Variants in DNAH6 observed in about 807,000 individuals in gnomAD.
The protein encoded by DNAH6 is dynein axonemal heavy chain 6.
DNAH6 carries 340 observed loss-of-function variants against 491.4 expected under a neutral mutation model. The observed-to-expected ratio is 0.69, with a 90% CI of 0.63 to 0.76. DNAH6 has a LOEUF of 0.76. DNAH6 is among the 30% of genes least tolerant of loss of function. The pLI is 0.00. For missense variants in DNAH6, 4,443 were observed against 4,972.2 expected (o/e 0.89, Z 3.20); for synonymous variants, 1,603 against 1,686.1 (o/e 0.95, Z 1.21).
chr2:84,653,770 C>T lies in DNAH6; in HGVS notation c.5530C>T (p.Leu1844Phe). The T allele has an allele frequency of 6.4e-7, 1 of 1,551,356 alleles. No homozygotes were observed. Among genetic ancestry groups the T allele is most frequent in the Non-Finnish European group, 8.7e-7 (1 of 1,146,690 alleles). Reference sequence around the variant, plus strand: ...CATCAGTGATGGGCCAGTAGATGCTCTTTGGATTGAAAACATGAATACAGT... The same window carrying T: ...CATCAGTGATGGGCCAGTAGATGCTTTTTGGATTGAAAACATGAATACAGT... ...WIISDGPVDA[L>F]WIENMNTVLD... The change falls in exon 34 of 77, where the codon CTT (leucine) becomes TTT (phenylalanine). Residue 1844 changes from leucine to phenylalanine, a missense_variant. Physicochemically the swap from Leu to Phe is conservative, Grantham distance 22. Transcript: ENST00000389394.
At chr2:84,510,480 T>G in the DNAH6 span, among the ~76,000 whole-genome samples, 1 of 152,288 alleles carries the variant, frequency 6.6e-6, no homozygotes, top group East Asian at 1.9e-4. Context: ...TTCGTGTAAT[T>G]TTTTTTCAAT....
In DNAH6 at chr2:84,745,078, A is replaced by G; in HGVS notation, c.10343-2A>G. On this transcript the variant is annotated splice_acceptor_variant, in intron 62 of 76. Transcript: ENST00000389394. LOFTEE classifies it high-confidence loss of function. Reference sequence around the variant, plus strand: ...ATTATCTTTTTTAAATTGTATTTCCAGGATCTTTTGAGACTTATATTAACC... The same window carrying G: ...ATTATCTTTTTTAAATTGTATTTCCGGGATCTTTTGAGACTTATATTAACC... 6.8e-7 allele frequency: 1 copy of G among 1,477,656 alleles called. No homozygotes were observed. Among genetic ancestry groups the G allele is most frequent in the Non-Finnish European group, 9.0e-7 (1 of 1,105,928 alleles). The allele number at this position is 1,477,656 out of a possible 1,614,324, so 91.5% of individuals were successfully genotyped here.
intron 3 of DNAH6, 54 bp downstream of exon 3, chr2:84,525,792 G>A: frequency 8.0e-7 from 1 of 1,248,498 alleles, no homozygotes; most frequent in Non-Finnish European, 1.1e-6. Flanking sequence ...GTTTTGTATA[G>A]CATTGCTAGC....
intron 70 of DNAH6, among the ~76,000 whole-genome samples, chr2:84,798,849 C>T (rs1678596836): frequency 6.6e-6 from 1 of 152,222 alleles, no homozygotes; most frequent in Admixed American, 6.5e-5. Flanking sequence ...CTGGTCCCAA[C>T]TCCCCAGGAC....
At chr2:84,635,925 A>G (rs1231524132) in intron 30 of DNAH6, among the ~76,000 whole-genome samples, 1 of 152,050 alleles carries the variant, frequency 6.6e-6, no homozygotes, top group Non-Finnish European at 1.5e-5. Flanking sequence ...TAGCATCTTC[A>G]TCTAGTGCCC....
chr2:84,577,211 A>G, intron 12 of DNAH6, 46 bp from the exon 13 acceptor site: 5 of 1,218,566 alleles, frequency 4.1e-6, no homozygotes, highest in Non-Finnish European at 5.6e-6. Context: ...ATCTTTTAAA[A>G]TCCAATATGG....
At chr2:84,662,619 T>C (rs1573398635) in intron 37 of DNAH6, among the ~76,000 whole-genome samples, 1 of 152,304 alleles carries the variant, frequency 6.6e-6, no homozygotes, top group South Asian at 2.1e-4. Context: ...TCAAACTGGG[T>C]GGAGCCCACC....
chr2:84,703,408 T>C lies in DNAH6; in HGVS notation c.8075T>C (p.Val2692Ala). ...RKQIISARDR[V>A]KNGLTKLLET... ...ATTGTCACTTAGGCACGAGATCGGG[T>C]GAAGAATGGTCTCACCAAGCTACTA... Residue 2692 changes from valine (V) to alanine (A), a missense_variant, in exon 50 of 77, where the codon GTG becomes GCG. Coordinates refer to ENST00000389394, the MANE Select transcript of DNAH6 (RefSeq NM_001370.2). The C allele has an allele frequency of 2.6e-6, 4 of 1,518,466 alleles. No homozygotes were observed. The highest frequency in any genetic ancestry group is 3.5e-6 in the Non-Finnish European group (4 of 1,129,620). The allele number at this position is 1,518,466 out of a possible 1,614,324, so 94.1% of individuals were successfully genotyped here. A position where few individuals can be genotyped will look rare whatever the true frequency, so the allele number is the denominator to read the frequency against.
intron 52 of DNAH6, among the ~76,000 whole-genome samples, chr2:84,706,119 G>A (rs1696402946): frequency 6.6e-6 from 1 of 152,190 alleles, no homozygotes; most frequent in Non-Finnish European, 1.5e-5. Context: ...CATTGGATGT[G>A]AGGCCCTTCA....
At chr2:84,534,352 C>G (rs1227088363) in intron 4 of DNAH6, among the ~76,000 whole-genome samples, 1 of 152,078 alleles carries the variant, frequency 6.6e-6, no homozygotes, top group Admixed American at 6.6e-5. Context: ...GTCAAACTTC[C>G]TGAATTCAGA....
At chr2:84,597,788 A>G (rs192268110) in intron 18 of DNAH6, among the ~76,000 whole-genome samples, 1 of 152,326 alleles carries the variant, frequency 6.6e-6, no homozygotes, top group Admixed American at 6.5e-5. Context: ...AGTAAAATGA[A>G]ATTAAGTTGT....
chr2:84,618,816 AT>A (rs939324737), intron 23 of DNAH6, among the ~76,000 whole-genome samples: 5 of 151,908 alleles, frequency 3.3e-5, no homozygotes, highest in African/African-American at 7.3e-5. Context: ...GGGACAAACA[AT>A]TTTTTTTCAT....
chr2:84,595,978 A>G (rs72941034), intron 18 of DNAH6, among the ~76,000 whole-genome samples, 189 bp downstream of exon 18: 1,684 of 152,304 alleles, frequency 0.011, 28 homozygotes, highest in African/African-American at 0.037. Flanking sequence ...CAAATCATGC[A>G]GTTGAATACT....
chr2:84,700,573 T>C (rs181664885), intron 48 of DNAH6, among the ~76,000 whole-genome samples: 1 of 152,318 alleles, frequency 6.6e-6, no homozygotes, highest in East Asian at 1.9e-4. Context: ...ACTAAGCTAA[T>C]TATCAAAAAT....
intron 64 of DNAH6, chr2:84,777,803 T>G (rs1220880515): frequency 1.8e-6 from 2 of 1,128,000 alleles, no homozygotes; most frequent in Non-Finnish European, 2.7e-6. Context: ...GCCACTTATC[T>G]TCCAAGCCAC....
chr2:84,585,989 C>A (rs761746747), intron 15 of DNAH6, among the ~76,000 whole-genome samples: 4 of 152,234 alleles, frequency 2.6e-5, no homozygotes, highest in Non-Finnish European at 4.4e-5. Flanking sequence ...ATTCAGGAAT[C>A]TATCTGCCTC....
At chr2:84,681,578 A>T in intron 42 of DNAH6, 50 bp downstream of exon 42, 7 of 1,413,080 alleles carry the variant, frequency 5.0e-6, no homozygotes, top group Non-Finnish European at 6.5e-6. Flanking sequence ...CTACTTTTCC[A>T]TTGGCCCCCA....
chr2:84,462,309 T>C, the DNAH6 span, among the ~76,000 whole-genome samples: 2 of 152,116 alleles, frequency 1.3e-5, no homozygotes, highest in Non-Finnish European at 2.9e-5. Flanking sequence ...ATGCAACCTT[T>C]TGTCTCTTAT....
chr2:84,731,534 C>T (rs1573634142), intron 61 of DNAH6, among the ~76,000 whole-genome samples: 1 of 152,172 alleles, frequency 6.6e-6, no homozygotes, highest in Non-Finnish European at 1.5e-5. Flanking sequence ...TATGCCCCTG[C>T]GAAAAGTGCA....
Sources: allele counts gnomAD v4.1 joint callset (sites outside exome capture counted in the v4.1 genomes callset), GRCh38; gene constraint gnomAD v4.1.1; transcripts MANE v1.5; gene names NCBI Gene and HGNC (gene_info 2026-07-23, HGNC 2026-07-21).